The following AKR1C2 variants were observed in gnomAD, a reference collection of about 807,000 sequenced individuals.
AKR1C2 encodes the protein 3-alpha-HSD3.
Under a neutral mutation model 39.8 loss-of-function variants are expected in AKR1C2, and 27 were observed. The observed-to-expected ratio is 0.68, with a 90% CI of 0.50 to 0.93. AKR1C2 has a LOEUF of 0.93. AKR1C2 is among the 40% of genes least tolerant of loss of function. The pLI, the probability that AKR1C2 is intolerant of heterozygous loss-of-function variation, is 0.00. For synonymous variants in AKR1C2, 114 were observed against 137.9 expected (o/e 0.83, Z 1.22); for missense variants, 263 against 365.1 (o/e 0.72, Z 2.28).
At position 4,989,845 on chromosome 10, in the gene AKR1C2, C is replaced by T. The variant is rs1138758; in HGVS notation, c.*151G>A. On this transcript the variant is annotated 3_prime_UTR_variant, in exon 9 of 9. Coordinates refer to ENST00000380753, the MANE Select transcript of AKR1C2 (RefSeq NM_001393392.1). ...AAACAAAATTATTGTCTTTCTTTTC[C>T]GGCCGATGGGCTTAGCTGTAGCTTA... The T allele has an allele frequency of 1.1e-5, 12 of 1,140,888 alleles. No individual in the cohort carries two copies. Among genetic ancestry groups the T allele is most frequent in the South Asian group, 9.1e-5 (6 of 65,622 alleles). The allele number at this position is 1,140,888 out of a possible 1,614,324, so 70.7% of individuals were successfully genotyped here. A position where few individuals can be genotyped will look rare whatever the true frequency, so the allele number is the denominator to read the frequency against.
In AKR1C2 at chr10:4,988,732, A is replaced by G. The variant is rs1360585829; in HGVS notation, c.*1264T>C. 6.6e-6 allele frequency: 1 copy of G among 151,222 alleles called. No individual in the cohort carries two copies. Among genetic ancestry groups the G allele is most frequent in the Non-Finnish European group, 1.5e-5 (1 of 67,738 alleles). 9.4% of individuals were successfully genotyped at this position (151,222 alleles called of 1,614,324 possible). A position where few individuals can be genotyped will look rare whatever the true frequency, so the allele number is the denominator to read the frequency against. Reference sequence around the variant, plus strand: ...AGAAAGTGTGCCCAGGTAAAAAACCACTGTCCTTCTCATAATGCTTTGATC... The same window carrying G: ...AGAAAGTGTGCCCAGGTAAAAAACCGCTGTCCTTCTCATAATGCTTTGATC... On this transcript the variant is annotated 3_prime_UTR_variant, in exon 9 of 9. Transcript: ENST00000380753.
rs202167909 is a variant in AKR1C2 at position 5,001,686 on chromosome 10, G to A, written c.85-5C>T. ...TAGAGCTTTACTTTTAGGAACCTGG[G>A]GGAGCAACCAAACGTAATATTTTCT... On this transcript the variant is annotated splice_region_variant and splice_polypyrimidine_tract_variant and intron_variant, in intron 1 of 8. Transcript: ENST00000380753. 1 of 1,613,594 alleles carries A rather than the reference G, an allele frequency of 6.2e-7. No individual in the cohort carries two copies. Among genetic ancestry groups the A allele is most frequent in the Non-Finnish European group, 8.5e-7 (1 of 1,179,700 alleles).
At chr10:4,993,159 A>G (rs1203510868) in intron 7 of AKR1C2, among the ~76,000 whole-genome samples, 2 of 152,230 alleles carry the variant, frequency 1.3e-5, no homozygotes, top group South Asian at 2.1e-4. Context: ...GTGGAAGTTA[A>G]TAAGATGATT....
intron 8 of AKR1C2, among the ~76,000 whole-genome samples, chr10:4,991,199 G>C (rs1287733429): frequency 1.3e-5 from 2 of 151,378 alleles, no homozygotes; most frequent in African/African-American, 4.9e-5. Context: ...TCTACACTGA[G>C]ATCTCCATAT....
intron 1 of AKR1C2, among the ~76,000 whole-genome samples, chr10:5,015,614 C>T (rs1278146750): frequency 6.6e-6 from 1 of 152,116 alleles, no homozygotes; most frequent in Non-Finnish European, 1.5e-5. Context: ...CAATTCCAGC[C>T]CTGGGTCCCC....
chr10:5,012,409 T>A (rs1196949412), intron 1 of AKR1C2, among the ~76,000 whole-genome samples: 1 of 151,590 alleles, frequency 6.6e-6, no homozygotes, highest in Admixed American at 6.6e-5. Flanking sequence ...ATAGAAGCAT[T>A]TCCTGAATCA....
Position 5,010,299 on chromosome 10 carries a change from G to A in AKR1C2, c.-87-6377C>T, listed in dbSNP as rs1465519426. 11 of 152,140 alleles carry A rather than the reference G, an allele frequency of 7.2e-5. 1 individual carries two copies. Among genetic ancestry groups the A allele is most frequent in the South Asian group, 4.1e-4 (2 of 4,820 alleles). The allele number at this position is 152,140 out of a possible 1,614,324, so 9.4% of individuals were successfully genotyped here. ...TGAACCGGTGAGCCACACCCCTGTC[G>A]CAAGTCCTGCAAGGGGAATCAGGAA... On this transcript the variant is annotated intron_variant, in intron 1 of 6. Coordinates refer to the AKR1C2 transcript ENST00000604507.
intron 1 of AKR1C2, 111 bp downstream of exon 1, chr10:5,003,641 G>A (rs545407585): frequency 1.6e-5 from 18 of 1,160,550 alleles, no homozygotes; most frequent in African/African-American, 1.3e-4. Context: ...AAAGACTGAC[G>A]TTTAAAGGGG....
chr10:5,006,021 A>G (rs1445459812), upstream of AKR1C2: 2 of 152,246 alleles, frequency 1.3e-5, no homozygotes, highest in Non-Finnish European at 2.9e-5. Context: ...TAATCAATAC[A>G]CATAGGGATA....
chr10:5,015,604 C>A (rs782557550), intron 1 of AKR1C2, among the ~76,000 whole-genome samples: 6 of 152,178 alleles, frequency 3.9e-5, no homozygotes, highest in Non-Finnish European at 7.3e-5. Context: ...ACTGAGGGAG[C>A]AATTCCAGCC....
intron 1 of AKR1C2, chr10:5,010,428 T>G (rs1455769449): frequency 6.6e-6 from 1 of 152,066 alleles, no homozygotes; most frequent in Non-Finnish European, 1.5e-5. Context: ...CTCTCATCTT[T>G]TCCTGACTCT....
chr10:5,004,199 G>C (rs1323694653), upstream of AKR1C2, among the ~76,000 whole-genome samples: 2 of 152,172 alleles, frequency 1.3e-5, no homozygotes, highest in Non-Finnish European at 2.9e-5. Context: ...TTTTGTGTGT[G>C]CCATGATGAT....
intron 1 of AKR1C2, among the ~76,000 whole-genome samples, chr10:5,017,231 A>G (rs1837660832): frequency 6.6e-6 from 1 of 152,224 alleles, no homozygotes; most frequent in Non-Finnish European, 1.5e-5. Flanking sequence ...TCAGAAAATA[A>G]TATTTTCTTT....
rs1442352869 is a variant in AKR1C2 at position 5,001,514 on chromosome 10, C to A, written c.252G>T (p.Lys84Asn). The A allele has an allele frequency of 2.5e-6, 4 of 1,613,176 alleles. No individual in the cohort carries two copies. Among genetic ancestry groups the A allele is most frequent in the Non-Finnish European group, 2.5e-6 (3 of 1,179,640 alleles). The stretch of plus-strand genomic sequence containing the variant: ...CACAAGCTCATCATAGGCACAGTAC[C>A]TTTGAAGTGTAGAATATGTCTTCTC... ...VKREDIFYTSKLWSNSHRPEL... is the reference protein window; with the variant it reads ...VKREDIFYTSNLWSNSHRPEL... Residue 84 changes from lysine to asparagine, a missense_variant and splice_region_variant, in exon 2 of 9, where the codon AAG becomes AAT. Lys to Asn is a moderately conservative substitution (Grantham distance 94). Transcript: ENST00000380753.
chr10:4,998,539 A>T (rs1837140523), intron 5 of AKR1C2, 86 bp downstream of exon 5: 1 of 1,574,960 alleles, frequency 6.3e-7, no homozygotes, highest in Non-Finnish European at 8.6e-7. Flanking sequence ...TACAAAGATA[A>T]GTGGGACTAA....
rs1311530017 is a variant in AKR1C2 at position 4,989,185 on chromosome 10, G to A, written c.*811C>T. The A allele has an allele frequency of 3.3e-5, 5 of 152,024 alleles. No homozygotes were observed. Among genetic ancestry groups the A allele is most frequent in the African/African-American group, 1.2e-4 (5 of 41,376 alleles). 9.4% of individuals were successfully genotyped at this position (152,024 alleles called of 1,614,324 possible). ...AATGTGATGAGTCAATGATATCTTC[G>A]ATGTCCTGCCCCACCACAAACCAAT... is the stretch of plus-strand genomic sequence containing the variant. On this transcript the variant is annotated 3_prime_UTR_variant, in exon 9 of 9. Transcript: ENST00000380753.
intron 1 of AKR1C2, among the ~76,000 whole-genome samples, chr10:5,011,487 T>A (rs2895050): frequency 6.6e-6 from 1 of 152,196 alleles, no homozygotes; most frequent in Admixed American, 6.5e-5. Context: ...ACTACAGATC[T>A]AATGAATAAG....
chr10:5,000,150 G>T (rs1461576229), intron 3 of AKR1C2: 1 of 1,313,220 alleles, frequency 7.6e-7, no homozygotes, highest in African/African-American at 1.5e-5. Context: ...TTGAAAAGAG[G>T]CAAGAAGATG....
intron 3 of AKR1C2, chr10:4,999,761 G>A (rs1261713592): frequency 3.8e-5 from 8 of 210,244 alleles, no homozygotes; most frequent in African/African-American, 1.6e-4. Flanking sequence ...GAGATGCACA[G>A]GAGCTCACGG....
Sources: allele counts gnomAD v4.1 joint callset (sites outside exome capture counted in the v4.1 genomes callset), GRCh38; gene constraint gnomAD v4.1.1; transcripts MANE v1.5; gene names NCBI Gene and HGNC (gene_info 2026-07-23, HGNC 2026-07-21).